Variants in MYO16 observed in about 807,000 individuals in gnomAD.
MYO16 encodes unconventional myosin-XVI.
In MYO16, 94 loss-of-function variants were observed where a neutral mutation model predicts 205.3. That is an observed-to-expected ratio of 0.46 (90% CI 0.39 to 0.54). MYO16 has a LOEUF of 0.54. MYO16 is among the 20% of genes least tolerant of loss of function. The pLI is 0.00. For missense variants in MYO16, 2,315 were observed against 2,387.5 expected (o/e 0.97, Z 0.63); for synonymous variants, 988 against 954.0 (o/e 1.04, Z -0.66).
chr13:109,163,923 T>C (rs1481019654), intron 32 of MYO16: 1 of 152,216 alleles, frequency 6.6e-6, no homozygotes. Context: ...AAATAATTTA[T>C]TAGTCTAAAT....
At chr13:108,828,897 A>C (rs900891041) in intron 9 of MYO16, among the ~76,000 whole-genome samples, 1 of 152,016 alleles carries the variant, frequency 6.6e-6, no homozygotes, top group African/African-American at 2.4e-5. Context: ...TGCATTTGGG[A>C]CCCTCTCAGA....
intron 6 of MYO16, among the ~76,000 whole-genome samples, chr13:108,794,933 G>C (rs1216977001): frequency 6.6e-6 from 1 of 152,072 alleles, no homozygotes; most frequent in Non-Finnish European, 1.5e-5. Context: ...ATAGGTAAAA[G>C]TTTTGTTGTC....
intron 12 of MYO16, among the ~76,000 whole-genome samples, chr13:108,873,026 CA>C (rs1879140391): frequency 6.6e-6 from 1 of 152,156 alleles, no homozygotes; most frequent in Non-Finnish European, 1.5e-5. Flanking sequence ...TTCCCTGTAG[CA>C]ATATTAGTGC....
chr13:108,771,572 G>A (rs71435298), intron 4 of MYO16, among the ~76,000 whole-genome samples: 12,103 of 152,152 alleles, frequency 0.08, 614 homozygotes, highest in Non-Finnish European at 0.12. Flanking sequence ...GACAAATGCA[G>A]TGACATGGAT....
chr13:108,729,137 A>C (rs1884438869), intron 4 of MYO16, among the ~76,000 whole-genome samples: 1 of 152,124 alleles, frequency 6.6e-6, no homozygotes, highest in African/African-American at 2.4e-5. Flanking sequence ...TATATAAAAA[A>C]GCATGAAAAT....
chr13:108,501,679 C>A, the MYO16 span, among the ~76,000 whole-genome samples: 17 of 152,324 alleles, frequency 1.1e-4, no homozygotes, highest in African/African-American at 3.6e-4. Context: ...CAGTTCCAAC[C>A]TTGGCCTGCT....
At chr13:109,152,147 G>A (rs959577340) in intron 32 of MYO16, among the ~76,000 whole-genome samples, 1 of 152,092 alleles carries the variant, frequency 6.6e-6, no homozygotes, top group South Asian at 2.1e-4. Flanking sequence ...TCTGTCTCTT[G>A]GTATTTAACT....
chr13:109,124,998 A>T, intron 29 of MYO16, 114 bp from the exon 30 acceptor site: 1 of 1,153,970 alleles, frequency 8.7e-7, no homozygotes, highest in Non-Finnish European at 1.2e-6. Context: ...ATTCTGGGTT[A>T]AATGTACCTT....
At chr13:109,046,802 C>A in intron 23 of MYO16, 114 bp from the exon 24 acceptor site, 5 of 822,614 alleles carry the variant, frequency 6.1e-6, no homozygotes, top group Non-Finnish European at 1.0e-5. Context: ...GACCTGAAGA[C>A]ACTTCTTTTA....
intron 1 of MYO16, among the ~76,000 whole-genome samples, chr13:108,652,016 A>G (rs536260449): frequency 2.0e-5 from 3 of 152,194 alleles, no homozygotes; most frequent in South Asian, 4.2e-4. Flanking sequence ...TTGAGAATCC[A>G]CATTGTTCCT....
At chr13:108,964,038 A>G (rs1883693706) in intron 19 of MYO16, among the ~76,000 whole-genome samples, 1 of 151,992 alleles carries the variant, frequency 6.6e-6, no homozygotes, top group Non-Finnish European at 1.5e-5. Context: ...CTCAACCCGC[A>G]TTGCACGTGG....
chr13:108,556,795 GT>G, the MYO16 span, among the ~76,000 whole-genome samples: 4 of 151,862 alleles, frequency 2.6e-5, no homozygotes, highest in African/African-American at 7.3e-5. Context: ...TCCATTTTGA[GT>G]TTTTTTCTTT....
intron 34 of MYO16, among the ~76,000 whole-genome samples, chr13:109,187,136 A>T (rs1217500744): frequency 6.6e-6 from 1 of 152,128 alleles, no homozygotes. Context: ...ATATTCTCAG[A>T]CTTGTTAATC....
intron 23 of MYO16, among the ~76,000 whole-genome samples, chr13:109,023,358 A>C (rs192101367): frequency 0.03 from 1,948 of 65,352 alleles, 18 homozygotes; most frequent in Middle Eastern, 0.05. Flanking sequence ...TATTATACAG[A>C]TATAAATATA....
intron 2 of MYO16, among the ~76,000 whole-genome samples, chr13:108,698,308 G>A (rs1191890478): frequency 6.6e-6 from 1 of 152,132 alleles, no homozygotes; most frequent in African/African-American, 2.4e-5. Context: ...AAAGGAGTGT[G>A]GACAGATATG....
intron 21 of MYO16, among the ~76,000 whole-genome samples, chr13:109,002,792 C>T (rs141379307): frequency 3.3e-5 from 5 of 152,278 alleles, no homozygotes; most frequent in Admixed American, 2.0e-4. Context: ...GTTGAACACA[C>T]GCCCACATAT....
At chr13:108,528,091 A>T in the MYO16 span, among the ~76,000 whole-genome samples, 370 of 152,336 alleles carry the variant, frequency 2.4e-3, no homozygotes, top group Non-Finnish European at 2.7e-3. Context: ...AGGAAGTAAG[A>T]TTATGGAAAA....
intron 4 of MYO16, among the ~76,000 whole-genome samples, chr13:108,771,528 G>T (rs192241769): frequency 3.3e-5 from 5 of 152,144 alleles, no homozygotes; most frequent in African/African-American, 9.6e-5. Flanking sequence ...TAACATTAGG[G>T]TTCATTCTTG....
At chr13:108,842,629 A>C (rs564076207) in intron 9 of MYO16, among the ~76,000 whole-genome samples, 1 of 152,232 alleles carries the variant, frequency 6.6e-6, no homozygotes, top group African/African-American at 2.4e-5. Context: ...GTGTGTAGAA[A>C]AGGGACCCCT....
Sources: gnomAD v4.1 joint callset for allele counts (sites outside exome capture counted in the v4.1 genomes callset) on GRCh38, gnomAD v4.1.1 for gene constraint, MANE v1.5 for transcripts, NCBI Gene and HGNC (gene_info 2026-07-23, HGNC 2026-07-21) for gene names.